Variants in PIEZO2 observed in about 807,000 individuals in gnomAD.
The protein encoded by PIEZO2 is piezo type mechanosensitive ion channel component 2.
A neutral mutation model predicts 337.3 loss-of-function variants in PIEZO2; 172 were observed. That is an observed-to-expected ratio of 0.51 (90% CI 0.45 to 0.58). The LOEUF is 0.58. PIEZO2 is among the 20% of genes least tolerant of loss of function. The pLI is 0.00. For synonymous variants in PIEZO2, 1,251 were observed against 1,228.5 expected (o/e 1.02, Z -0.38); for missense variants, 3,028 against 3,391.3 (o/e 0.89, Z 2.66).
intron 2 of PIEZO2, among the ~76,000 whole-genome samples, chr18:11,030,389 A>G (rs370700275): frequency 6.6e-6 from 1 of 152,156 alleles, no homozygotes; most frequent in East Asian, 1.9e-4. Context: ...AAGTTTGGAG[A>G]CCATGTTTCA....
intron 7 of PIEZO2, among the ~76,000 whole-genome samples, chr18:10,809,260 CTTTTTTTTTTTTTTT>C (rs869210659): frequency 1.5e-4 from 10 of 65,804 alleles, no homozygotes; most frequent in African/African-American, 4.7e-4. Flanking sequence ...CTCTCTCTCT[CTTTTTTTTTTTTTTT>C]TTTTTTTTTT....
rs2145254777 is a variant in PIEZO2 at position 10,942,044 on chromosome 18, T to A, written c.287-30816A>T. On this transcript the variant is annotated intron_variant, in intron 3 of 55. Coordinates refer to ENST00000674853, the MANE Select transcript of PIEZO2 (RefSeq NM_001378183.1). The surrounding 1 kb of genome is among the most constrained non-coding windows in gnomAD (Gnocchi z 4.4). ...TGCTGCCATCCACGTAAGATGTGAC[T>A]TGCTCCTCCTTGCTTTCGGCCACGA... Among the ~76,000 whole-genome samples the A allele has an allele frequency of 6.6e-6, 1 of 152,346 alleles. No individual in the cohort carries two copies. Among genetic ancestry groups the A allele is most frequent in the Non-Finnish European group, 1.5e-5 (1 of 68,028 alleles).
At chr18:10,792,766 T>C (rs1430529104) in intron 13 of PIEZO2, among the ~76,000 whole-genome samples, 1 of 152,184 alleles carries the variant, frequency 6.6e-6, no homozygotes, top group East Asian at 1.9e-4. Context: ...GGACAGATGG[T>C]TTCAATCCTC....
chr18:10,797,039 AC>A (rs1158086114), intron 12 of PIEZO2, among the ~76,000 whole-genome samples: 2 of 151,870 alleles, frequency 1.3e-5, no homozygotes, highest in Non-Finnish European at 1.5e-5. Flanking sequence ...TATCTTACAT[AC>A]CATCATATAT....
intron 3 of PIEZO2, among the ~76,000 whole-genome samples, chr18:10,924,457 T>A (rs1318779889): frequency 1.3e-5 from 2 of 152,172 alleles, no homozygotes; most frequent in Non-Finnish European, 2.9e-5. Flanking sequence ...TATGAGACTG[T>A]CCCTTAAAAA....
intron 4 of PIEZO2, chr18:10,908,323 T>C (rs2030145379): frequency 6.6e-6 from 1 of 152,238 alleles, no homozygotes; most frequent in African/African-American, 2.4e-5. Flanking sequence ...CTCAGTTACT[T>C]CTTTTCATTT....
At chr18:11,103,076 C>T (rs558544463) in intron 1 of PIEZO2, among the ~76,000 whole-genome samples, 2 of 152,074 alleles carry the variant, frequency 1.3e-5, no homozygotes, top group East Asian at 3.9e-4. Flanking sequence ...AGGATGTGTC[C>T]CCCACATAAA....
chr18:10,970,753 G>C (rs1808354983), intron 3 of PIEZO2, among the ~76,000 whole-genome samples: 1 of 151,596 alleles, frequency 6.6e-6, no homozygotes, highest in Non-Finnish European at 1.5e-5. Flanking sequence ...GGAAAGGAAG[G>C]CTTGTTAGAG....
At position 10,870,803 on chromosome 18, in the gene PIEZO2, A is replaced by C. The variant is rs1177847244; in HGVS notation, c.492+450T>G. Among the ~76,000 whole-genome samples the C allele has an allele frequency of 6.6e-6, 1 of 152,216 alleles. No homozygotes were observed. Among genetic ancestry groups the C allele is most frequent in the African/African-American group, 2.4e-5 (1 of 41,460 alleles). On this transcript the variant is annotated intron_variant, in intron 5 of 55. Transcript: ENST00000674853. This position sits in a 1 kb window ranked among gnomAD's most constrained non-coding sequence, Gnocchi z 5.3. ...GATCAAAGCATGCCAAGTTAACACC[A>C]GTCCACTGAGCAGGACAAGGTGCAC...
rs1421128722 is a variant in PIEZO2, at chr18:10,870,722, C to T, written c.492+531G>A. On this transcript the variant is annotated intron_variant, in intron 5 of 55. Transcript: ENST00000674853. This position sits in a 1 kb window ranked among gnomAD's most constrained non-coding sequence, Gnocchi z 5.3. ...TCATTATTTTTACCTTTTTAAAATT[C>T]TCACACTTTTCCAAATATGTATGTT... 3.9e-5 allele frequency among the ~76,000 whole-genome samples: 6 copies of T among 152,240 alleles called. No individual in the cohort carries two copies. The highest frequency in any genetic ancestry group is 4.1e-4 in the South Asian group (2 of 4,828).
rs917576251 is a variant in PIEZO2 at position 10,903,573 on chromosome 18, G to A, written c.329+7613C>T. On this transcript the variant is annotated intron_variant, in intron 4 of 55. Coordinates refer to ENST00000674853, the MANE Select transcript of PIEZO2 (RefSeq NM_001378183.1). The surrounding 1 kb of genome is among the most constrained non-coding windows in gnomAD (Gnocchi z 4.1). ...TAGTCCCAGCTACTTGGGAGGCTGA[G>A]GCAGGAGAATGGCATGAACCCAGGA... Among the ~76,000 whole-genome samples, 2 of 152,084 alleles carry A rather than the reference G, an allele frequency of 1.3e-5. No homozygotes were observed. The highest frequency in any genetic ancestry group is 4.8e-5 in the African/African-American group (2 of 41,402).
intron 2 of PIEZO2, among the ~76,000 whole-genome samples, chr18:11,005,928 C>CTCGTTCCA (rs1191023846): frequency 2.0e-5 from 3 of 152,228 alleles, no homozygotes; most frequent in Non-Finnish European, 4.4e-5. Flanking sequence ...TCCTCCACTT[C>CTCGTTCCA]TCGTTCCATC....
At chr18:10,884,306 A>G (rs1299583858) in intron 4 of PIEZO2, among the ~76,000 whole-genome samples, 1 of 152,180 alleles carries the variant, frequency 6.6e-6, no homozygotes, top group Non-Finnish European at 1.5e-5. Context: ...CCATTGATGG[A>G]CACAGGTTGA....
intron 2 of PIEZO2, among the ~76,000 whole-genome samples, chr18:11,058,212 GC>G (rs2037800006): frequency 6.6e-6 from 1 of 152,190 alleles, no homozygotes; most frequent in Non-Finnish European, 1.5e-5. Context: ...TGGACCTCCA[GC>G]AAACTCCAAC....
chr18:10,990,772 C>G (rs2035059408), intron 2 of PIEZO2, among the ~76,000 whole-genome samples: 1 of 150,326 alleles, frequency 6.7e-6, no homozygotes, highest in African/African-American at 2.4e-5. Context: ...AATGATTTTT[C>G]TTCTTTAGAC....
chr18:10,920,696 A>T (rs2031334561), intron 3 of PIEZO2, among the ~76,000 whole-genome samples: 1 of 152,092 alleles, frequency 6.6e-6, no homozygotes, highest in Non-Finnish European at 1.5e-5. Flanking sequence ...AATCTGGGGG[A>T]AATTAAGAAT....
At chr18:11,115,870 G>A (rs2039875559) in intron 1 of PIEZO2, among the ~76,000 whole-genome samples, 1 of 152,146 alleles carries the variant, frequency 6.6e-6, no homozygotes, top group Admixed American at 6.5e-5. Context: ...ACAGAAACAT[G>A]GATGAATGTT....
chr18:11,060,302 G>C (rs1478976331), intron 2 of PIEZO2, among the ~76,000 whole-genome samples: 1 of 152,136 alleles, frequency 6.6e-6, no homozygotes, highest in East Asian at 1.9e-4. Context: ...ACAAGAGAAA[G>C]CAGGAAAGTT....
intron 36 of PIEZO2, among the ~76,000 whole-genome samples, chr18:10,730,765 C>G (rs1414883190): frequency 6.6e-6 from 1 of 152,140 alleles, no homozygotes; most frequent in African/African-American, 2.4e-5. Context: ...CTCCCTCTGT[C>G]GCCCAGGCTG....
Sources: allele counts gnomAD v4.1 joint callset (sites outside exome capture counted in the v4.1 genomes callset), GRCh38; gene constraint gnomAD v4.1.1; non-coding constraint Gnocchi (gnomAD v3.1); transcripts MANE v1.5; gene names NCBI Gene and HGNC (gene_info 2026-07-23, HGNC 2026-07-21).